Variants in C3orf85 observed in about 807,000 individuals in gnomAD.
C3orf85 encodes uncharacterized protein C3orf85.
C3orf85 carries 1 observed loss-of-function variant against 1.7 expected under a neutral mutation model. The ratio of observed to expected loss-of-function variants is 0.60; its 90% CI spans 0.21 to 2.86. The LOEUF (loss-of-function observed/expected upper bound fraction) is 2.86, where lower values mean the gene tolerates loss of function less well. Ranked by LOEUF, C3orf85 falls within the 30% of genes most tolerant of loss-of-function variation. The probability of loss-of-function intolerance (pLI) is 0.22; values close to 1 mark genes in which losing one functional copy is unlikely to be tolerated. For synonymous variants in C3orf85, 17 were observed against 8.0 expected (o/e 2.13, Z -1.90); for missense variants, 29 against 21.3 (o/e 1.36, Z -0.72).
At chr3:109,139,170 A>C (rs1383448470) in intron 2 of C3orf85, among the ~76,000 whole-genome samples, 3 of 152,246 alleles carry the variant, frequency 2.0e-5, no homozygotes, top group Non-Finnish European at 4.4e-5. Context: ...CTAATCCTAC[A>C]TCTACCACTT....
At chr3:109,143,777 T>C (rs1177831289) in intron 2 of C3orf85, among the ~76,000 whole-genome samples, 1 of 152,224 alleles carries the variant, frequency 6.6e-6, no homozygotes, top group African/African-American at 2.4e-5. Flanking sequence ...GAATAAGAAG[T>C]GGCTCAATGA....
At chr3:109,137,174 T>C (rs956896750) in intron 2 of C3orf85, among the ~76,000 whole-genome samples, 1 of 152,134 alleles carries the variant, frequency 6.6e-6, no homozygotes, top group African/African-American at 2.4e-5. Flanking sequence ...AAATAAGTGC[T>C]GTTGTGTCCT....
At chr3:109,140,490 GGACCCCT>G (rs1706733358) in intron 2 of C3orf85, among the ~76,000 whole-genome samples, 10 of 152,094 alleles carry the variant, frequency 6.6e-5, no homozygotes, top group African/African-American at 2.2e-4. Context: ...GGTTCTCCTG[GGACCCCT>G]TTATACTTGG....
At chr3:109,140,459 C>A (rs565618489) in intron 2 of C3orf85, among the ~76,000 whole-genome samples, 1 of 152,298 alleles carries the variant, frequency 6.6e-6, no homozygotes, top group Non-Finnish European at 1.5e-5. Context: ...ACCCCTTCTC[C>A]CAGTGACCAG....
chr3:109,142,228 A>T (rs903304970), intron 2 of C3orf85, among the ~76,000 whole-genome samples: 5 of 152,114 alleles, frequency 3.3e-5, no homozygotes, highest in Non-Finnish European at 4.4e-5. Context: ...GTGACCATTT[A>T]TACTTTATTT....
intron 2 of C3orf85, among the ~76,000 whole-genome samples, chr3:109,137,668 T>TATATATAA (rs1359245592): frequency 5.6e-5 from 8 of 142,040 alleles, no homozygotes; most frequent in South Asian, 2.2e-4. Context: ...TATATATATA[T>TATATATAA]AAAATAAGCC....
Position 109,148,363 on chromosome 3 carries a change from T to C in C3orf85, c.160T>C (p.Trp54Arg), listed in dbSNP as rs1292533317. 1.4e-6 allele frequency: 1 copy of C among 702,572 alleles called. No individual in the cohort carries two copies. Among genetic ancestry groups the C allele is most frequent in the African/African-American group, 1.7e-5 (1 of 57,216 alleles). 43.5% of individuals were successfully genotyped at this position (702,572 alleles called of 1,614,324 possible). Residue 54 changes from tryptophan (W) to arginine (R), a missense_variant, in exon 3 of 4, where the codon TGG becomes CGG. Physicochemically the swap from Trp to Arg is moderately radical, Grantham distance 101. Transcript: ENST00000622536. ...GGACCCAGATCACAGTTCAGATGTG[T>C]GGGTAAACACACTGGCTAAGCAGGT... is the stretch of plus-strand genomic sequence containing the variant. ...YWDPDHSSDVWVNTLAKQARE... is the reference protein window; with the variant it reads ...YWDPDHSSDVRVNTLAKQARE...
chr3:109,148,407 T>C (rs752374121), intron 3 of C3orf85, 21 bp downstream of exon 3: 2 of 702,336 alleles, frequency 2.8e-6, no homozygotes, highest in Non-Finnish European at 5.2e-6. Flanking sequence ...TAGAAACAAA[T>C]GGTCCTTCAC....
chr3:109,139,540 C>G (rs1706720601), intron 2 of C3orf85, among the ~76,000 whole-genome samples: 1 of 152,056 alleles, frequency 6.6e-6, no homozygotes, highest in Non-Finnish European at 1.5e-5. Flanking sequence ...CTAAGTGAAC[C>G]AACTTTTGAA....
chr3:109,146,585 G>A (rs980212338), intron 2 of C3orf85, among the ~76,000 whole-genome samples: 8 of 152,140 alleles, frequency 5.3e-5, no homozygotes, highest in East Asian at 1.9e-4. Flanking sequence ...CAGATGGCTC[G>A]CTTACCTGGC....
At chr3:109,144,934 A>C (rs1333894839) in intron 2 of C3orf85, among the ~76,000 whole-genome samples, 1 of 152,206 alleles carries the variant, frequency 6.6e-6, no homozygotes, top group Admixed American at 6.5e-5. Flanking sequence ...TGTAACACAC[A>C]CCTTTTCTTC....
intron 2 of C3orf85, among the ~76,000 whole-genome samples, chr3:109,137,668 T>TATATATATATAA (rs1359245592): frequency 7.0e-6 from 1 of 142,046 alleles, no homozygotes; most frequent in Non-Finnish European, 1.5e-5. Flanking sequence ...TATATATATA[T>TATATATATATAA]AAAATAAGCC....
At chr3:109,149,621 G>A in intron 3 of C3orf85, 184 bp from the exon 4 acceptor site, 4 of 359,700 alleles carry the variant, frequency 1.1e-5, no homozygotes, top group Middle Eastern at 1.4e-3. Context: ...CACAAATACT[G>A]TAAAATATCT....
At chr3:109,147,564 C>G (rs1357584357) in intron 2 of C3orf85, among the ~76,000 whole-genome samples, 1 of 152,172 alleles carries the variant, frequency 6.6e-6, no homozygotes, top group Admixed American at 6.5e-5. Context: ...AAATACAACA[C>G]AGATTGTTAA....
At chr3:109,140,283 C>T (rs1224277175) in intron 2 of C3orf85, among the ~76,000 whole-genome samples, 6 of 152,074 alleles carry the variant, frequency 3.9e-5, no homozygotes, top group Admixed American at 2.6e-4. Context: ...GTGAAGGGGA[C>T]GGAATTTATT....
At chr3:109,141,699 G>C (rs1050619848) in intron 2 of C3orf85, among the ~76,000 whole-genome samples, 3 of 152,138 alleles carry the variant, frequency 2.0e-5, no homozygotes, top group Non-Finnish European at 4.4e-5. Flanking sequence ...AAAGGTAATG[G>C]GGAAAGAAAT....
intron 2 of C3orf85, among the ~76,000 whole-genome samples, chr3:109,143,128 A>G (rs993352441): frequency 3.9e-5 from 6 of 152,206 alleles, no homozygotes; most frequent in Non-Finnish European, 7.3e-5. Flanking sequence ...GAGCACACAT[A>G]GGGGTGAAGA....
intron 2 of C3orf85, among the ~76,000 whole-genome samples, chr3:109,137,637 GTATATATATATATATA>G (rs1553767249): frequency 1.0e-4 from 8 of 79,896 alleles, no homozygotes; most frequent in African/African-American, 1.8e-4. Context: ...GTGTGTGTGT[GTATATATATATATATA>G]TATATATATA....
chr3:109,144,748 C>A (rs751527379), intron 2 of C3orf85, among the ~76,000 whole-genome samples: 1 of 152,122 alleles, frequency 6.6e-6, no homozygotes, highest in Non-Finnish European at 1.5e-5. Flanking sequence ...GTAACACTAT[C>A]TTAAGCAATT....
Sources: allele counts gnomAD v4.1 joint callset (sites outside exome capture counted in the v4.1 genomes callset), GRCh38; gene constraint gnomAD v4.1.1; transcripts MANE v1.5; gene names NCBI Gene and HGNC (gene_info 2026-07-23, HGNC 2026-07-21).